OPRM1: variants seen among roughly 807,000 people sequenced by gnomAD.
OPRM1 encodes the protein mu-type opioid receptor.
A neutral mutation model predicts 31.8 loss-of-function variants in OPRM1; 27 were observed. The ratio of observed to expected loss-of-function variants is 0.85; its 90% CI spans 0.63 to 1.17. The LOEUF (loss-of-function observed/expected upper bound fraction) is 1.17, where lower values mean the gene tolerates loss of function less well. Ranked by LOEUF, OPRM1 falls within the 50% of genes most tolerant of loss-of-function variation. The pLI, the probability that OPRM1 is intolerant of heterozygous loss-of-function variation, is 0.00. For missense variants in OPRM1, 536 were observed against 511.1 expected (o/e 1.05, Z -0.47); for synonymous variants, 196 against 189.9 (o/e 1.03, Z -0.26).
chr6:154,179,609 A>G (rs966067237), intron 3 of OPRM1, among the ~76,000 whole-genome samples: 4 of 152,182 alleles, frequency 2.6e-5, no homozygotes, highest in African/African-American at 9.7e-5. Flanking sequence ...TTCCTACATA[A>G]AACAGCAGGA....
Position 154,100,145 on chromosome 6 carries a change from TATC to T in OPRM1, c.1164+8676_1164+8678del, listed in dbSNP as rs1358147230. ...TCATATTATGACATATAATATATAT[TATC>T]ATATTATGACGTATCATAATATATA... On this transcript the variant is annotated intron_variant, in intron 3 of 3. Transcript: ENST00000330432. Among the ~76,000 whole-genome samples, 18 of 101,244 alleles carry T rather than the reference TATC, an allele frequency of 1.8e-4. 1 individual carries two copies. The highest frequency in any genetic ancestry group is 6.4e-4 in the African/African-American group (15 of 23,610). 66.4% of individuals were successfully genotyped at this position (101,244 alleles called of 152,430 possible).
rs879092782 is a variant in OPRM1, at chr6:154,159,552, C to G, written c.1164+68080C>G. On this transcript the variant is annotated intron_variant, in intron 3 of 3. Transcript: ENST00000337049. ...CAGAAGAGACATTTCTCACATCCCC[C>G]CTAGAGCCCCACATCACCGTGAGCT... 4.0e-5 allele frequency: 18 copies of G among 450,894 alleles called. No individual in the cohort carries two copies. The South Asian group carries it at 4.9e-4, about 12-fold the overall frequency. 27.9% of individuals were successfully genotyped at this position (450,894 alleles called of 1,614,324 possible). A position where few individuals can be genotyped will look rare whatever the true frequency, so the allele number is the denominator to read the frequency against.
At chr6:154,191,517 T>C (rs943972418) in intron 3 of OPRM1, among the ~76,000 whole-genome samples, 1 of 151,512 alleles carries the variant, frequency 6.6e-6, no homozygotes, top group Non-Finnish European at 1.5e-5. Flanking sequence ...CTACTGAAAA[T>C]ACAAAAATTA....
intron 1 of OPRM1, among the ~76,000 whole-genome samples, chr6:154,084,145 C>T (rs1789909888): frequency 6.6e-6 from 1 of 152,084 alleles, no homozygotes; most frequent in African/African-American, 2.4e-5. Flanking sequence ...CAGAGGTCTG[C>T]TATCACCACT....
intron 1 of OPRM1, among the ~76,000 whole-genome samples, chr6:154,024,023 C>T (rs142330752): frequency 2.8e-4 from 43 of 151,746 alleles, no homozygotes; most frequent in African/African-American, 1.0e-3. Flanking sequence ...TGTCTTTGTC[C>T]TGTTTTGGTA....
At chr6:154,144,453 T>C (rs972734205) in intron 3 of OPRM1, among the ~76,000 whole-genome samples, 1 of 152,140 alleles carries the variant, frequency 6.6e-6, no homozygotes, top group Admixed American at 6.5e-5. Flanking sequence ...TTAATAAGAA[T>C]TATACAACAC....
chr6:154,095,606 C>T lies in OPRM1; in HGVS notation c.1164+4134C>T, dbSNP rs994899412. On this transcript the variant is annotated intron_variant, in intron 3 of 3. Coordinates refer to ENST00000330432, the MANE Select transcript of OPRM1 (RefSeq NM_000914.5). ...GGTTGTTTTCTAATTTTATTTCTAA[C>T]GCGTACTTTTGATAAGGAGACCAAG... 2.6e-4 allele frequency among the ~76,000 whole-genome samples: 39 copies of T among 152,090 alleles called. 1 individual carries two copies. Among genetic ancestry groups the T allele is most frequent in the South Asian group, 2.1e-4 (1 of 4,826 alleles).
At chr6:154,094,333 C>T in intron 3 of OPRM1, 1 of 693,042 alleles carries the variant, frequency 1.4e-6, no homozygotes, top group Non-Finnish European at 2.3e-6. Context: ...TTTGATAAGC[C>T]AATGAGAAAA....
intron 3 of OPRM1, among the ~76,000 whole-genome samples, chr6:154,173,175 C>A (rs1470924816): frequency 1.3e-5 from 2 of 152,160 alleles, no homozygotes; most frequent in Non-Finnish European, 2.9e-5. Context: ...TCACCAACAC[C>A]TAAGACCAAA....
chr6:154,127,208 T>C lies in OPRM1; in HGVS notation c.*8487T>C, dbSNP rs369608582. ...ATTAAATTCTACACTTTTCCTACCA[T>C]AGTGATACATGTGGCTTTTCTTTGC... is the stretch of plus-strand genomic sequence containing the variant. On this transcript the variant is annotated 3_prime_UTR_variant, in exon 4 of 4. Coordinates refer to ENST00000330432, the MANE Select transcript of OPRM1 (RefSeq NM_000914.5). Among the ~76,000 whole-genome samples the C allele has an allele frequency of 6.6e-5, 10 of 152,004 alleles. No individual in the cohort carries two copies. In the East Asian group the frequency reaches 1.4e-3, roughly 21 times the overall value.
chr6:154,226,651 C>T (rs908114514), intron 3 of OPRM1, among the ~76,000 whole-genome samples: 2 of 152,158 alleles, frequency 1.3e-5, no homozygotes, highest in Non-Finnish European at 2.9e-5. Flanking sequence ...CTCTATAATT[C>T]TGCTGTTTCA....
At chr6:154,080,329 T>A (rs551016971) in intron 1 of OPRM1, among the ~76,000 whole-genome samples, 3 of 152,354 alleles carry the variant, frequency 2.0e-5, no homozygotes, top group South Asian at 4.1e-4. Flanking sequence ...CCTGATAAAT[T>A]GTATTTCAGA....
At chr6:154,064,547 C>A (rs904373731) in intron 1 of OPRM1, among the ~76,000 whole-genome samples, 1 of 152,156 alleles carries the variant, frequency 6.6e-6, no homozygotes, top group Non-Finnish European at 1.5e-5. Flanking sequence ...AGTATCATAT[C>A]CAAGAAATCT....
intron 3 of OPRM1, among the ~76,000 whole-genome samples, chr6:154,152,332 AAAGAAAGAAAGAAAGG>A (rs1562510592): frequency 2.2e-4 from 4 of 18,326 alleles, no homozygotes; most frequent in East Asian, 2.1e-3. Flanking sequence ...AGAAAGAAAG[AAAGAAAGAAAGAAAGG>A]AAAGAAAGAA....
At chr6:154,220,343 C>A (rs550626232) in intron 3 of OPRM1, among the ~76,000 whole-genome samples, 1 of 152,318 alleles carries the variant, frequency 6.6e-6, no homozygotes, top group African/African-American at 2.4e-5. Context: ...CAATCAGCAC[C>A]TCAAATACAG....
At chr6:154,021,479 G>C (rs1281964621) in intron 1 of OPRM1, among the ~76,000 whole-genome samples, 1 of 152,124 alleles carries the variant, frequency 6.6e-6, no homozygotes, top group Non-Finnish European at 1.5e-5. Flanking sequence ...AAATCAGTTT[G>C]TTGATATTCA....
Position 154,167,783 on chromosome 6 carries a change from A to T in OPRM1, c.1164+76311A>T, listed in dbSNP as rs1157519215. On this transcript the variant is annotated intron_variant, in intron 3 of 3. Coordinates refer to the OPRM1 transcript ENST00000337049. ...AAGAACGTCAAGATCATCTTGCCCT[A>T]TAAAGGTTATATTTACTTTTACAGC... is the stretch of plus-strand genomic sequence containing the variant. The T allele has an allele frequency of 6.5e-6, 4 of 615,460 alleles. No individual in the cohort carries two copies. In the East Asian group the frequency reaches 1.1e-4, roughly 17 times the overall value. 38.1% of individuals were successfully genotyped at this position (615,460 alleles called of 1,614,324 possible).
rs926256686 is a variant in OPRM1 at position 154,122,377 on chromosome 6, G to C, written c.*3656G>C. Reference sequence around the variant, plus strand: ...CTTGGTTTCAGAAGAGTGAGAACATGAAAGTTCATAAATGCCTGGGCCACT... The same window carrying C: ...CTTGGTTTCAGAAGAGTGAGAACATCAAAGTTCATAAATGCCTGGGCCACT... On this transcript the variant is annotated 3_prime_UTR_variant, in exon 4 of 4. Coordinates refer to ENST00000330432, the MANE Select transcript of OPRM1 (RefSeq NM_000914.5). 1.3e-5 allele frequency among the ~76,000 whole-genome samples: 2 copies of C among 152,110 alleles called. No homozygotes were observed. The highest frequency in any genetic ancestry group is 4.8e-5 in the African/African-American group (2 of 41,396).
chr6:154,037,720 A>G (rs1160690393), upstream of OPRM1, among the ~76,000 whole-genome samples: 2 of 152,154 alleles, frequency 1.3e-5, no homozygotes, highest in African/African-American at 2.4e-5. Context: ...TAACAGACAT[A>G]TGAGGTGAAT....
Sources: gnomAD v4.1 joint callset for allele counts (sites outside exome capture counted in the v4.1 genomes callset) on GRCh38, gnomAD v4.1.1 for gene constraint, MANE v1.5 for transcripts, NCBI Gene and HGNC (gene_info 2026-07-23, HGNC 2026-07-21) for gene names.